The following KRT27 variants were observed in gnomAD, a reference collection of about 807,000 sequenced individuals.
KRT27 encodes keratin, type I cytoskeletal 27.
Under a neutral mutation model 45.3 loss-of-function variants are expected in KRT27, and 30 were observed. The ratio of observed to expected loss-of-function variants is 0.66; its 90% CI spans 0.50 to 0.90. KRT27 has a LOEUF of 0.90. KRT27 is among the 40% of genes least tolerant of loss of function. The pLI is 0.00. For missense variants in KRT27, 610 were observed against 564.3 expected (o/e 1.08, Z -0.82); for synonymous variants, 204 against 223.9 (o/e 0.91, Z 0.79).
intron 5 of KRT27, among the ~76,000 whole-genome samples, chr17:40,778,984 G>A (rs1459996389): frequency 6.6e-6 from 1 of 151,892 alleles, no homozygotes; most frequent in East Asian, 1.9e-4. Context: ...GTGTGTGTTG[G>A]GAACATTCAA....
At position 40,779,483 on chromosome 17, in the gene KRT27, T is replaced by G. The variant is rs368451287; in HGVS notation, c.972+19A>C. On this transcript the variant is annotated intron_variant, in intron 5 of 7. Transcript: ENST00000301656. ...TTCTCAATTTCTAAAGCAAATCTGTTTTGTAACTTTTCGCTTACCGTTGCT... is the reference window on the plus strand; with the variant it reads ...TTCTCAATTTCTAAAGCAAATCTGTGTTGTAACTTTTCGCTTACCGTTGCT... 1.9e-6 allele frequency: 3 copies of G among 1,589,094 alleles called. No homozygotes were observed. Among genetic ancestry groups the G allele is most frequent in the Non-Finnish European group, 2.6e-6 (3 of 1,168,426 alleles).
At position 40,782,201 on chromosome 17, in the gene KRT27, T is replaced by C. The variant is rs1183348292; in HGVS notation, c.293A>G (p.Tyr98Cys). 1.9e-6 allele frequency: 3 copies of C among 1,614,184 alleles called. No individual in the cohort carries two copies. Among genetic ancestry groups the C allele is most frequent in the Admixed American group, 3.3e-5 (2 of 60,030 alleles). Residue 98 changes from tyrosine (Y) to cysteine (C), a missense_variant, in exon 1 of 8, where the codon TAC (tyrosine) becomes TGC (cysteine). Coordinates refer to ENST00000301656, the MANE Select transcript of KRT27 (RefSeq NM_181537.4). ...MQNLNDRLAS[Y>C]LENVRALEEA... ...CTCTAGGGCTCGAACATTCTCCAGG[T>C]AGGAGGCCAAGCGGTCGTTGAGGTT...
In KRT27 at chr17:40,777,098, C is replaced by T; in HGVS notation, c.1281G>A (p.Glu427=). The change falls in exon 8 of 8, where the codon GAG becomes GAA. Residue 427 remains glutamate (E), a synonymous_variant. Transcript: ENST00000301656. ...KTTIVKTVVE[E]IDPRGKVLSS... ...AGAGAACTTTGCCACGAGGATCTAT[C>T]TCTTCAACAACTGTTTTGACAATGG... is the stretch of plus-strand genomic sequence containing the variant. The T allele has an allele frequency of 1.2e-6, 2 of 1,614,080 alleles. No individual in the cohort carries two copies. Among genetic ancestry groups the T allele is most frequent in the Admixed American group, 1.7e-5 (1 of 60,016 alleles).
At chr17:40,780,003 G>A in intron 3 of KRT27, 142 bp from the exon 4 acceptor site, 1 of 1,043,958 alleles carries the variant, frequency 9.6e-7, no homozygotes, top group Non-Finnish European at 1.3e-6. Flanking sequence ...CTGGCCTCAA[G>A]CGATCCTCCA....
In KRT27 at chr17:40,782,386, G is replaced by C. The variant is rs764862765; in HGVS notation, c.108C>G (p.Cys36Trp). Residue 36 changes from cysteine to tryptophan, a missense_variant, in exon 1 of 8, where the codon TGC becomes TGG. Coordinates refer to ENST00000301656, the MANE Select transcript of KRT27 (RefSeq NM_181537.4). ...AGCCACTTCCAATGCCTGGCACACC[G>C]CATGTGTTTCCAGCCCCAAAGCCTG... is the stretch of plus-strand genomic sequence containing the variant. ...GGAGFGAGNT[C>W]GVPGIGSGFS... is the part of the protein sequence containing the mutation. The C allele has an allele frequency of 1.7e-5, 28 of 1,613,900 alleles. No homozygotes were observed. The highest frequency in any genetic ancestry group is 2.3e-5 in the Non-Finnish European group (27 of 1,179,984).
In KRT27 at chr17:40,782,099, T is replaced by C; in HGVS notation, c.395A>G (p.Asp132Gly). 1.2e-6 allele frequency: 2 copies of C among 1,613,898 alleles called. No individual in the cohort carries two copies. The change falls in exon 1 of 8, where the codon GAT becomes GGT. Residue 132 changes from aspartate (D) to glycine (G), a missense_variant. Asp to Gly is a moderately conservative substitution (Grantham distance 94, BLOSUM62 -1). Transcript: ENST00000301656. ...KFGPGSCRGLDHDYSRYFPII... is the reference protein window; with the variant it reads ...KFGPGSCRGLGHDYSRYFPII... ...TGGGAAATATCTGCTGTAATCATGA[T>C]CAAGGCCACGGCAAGAACCAGGTCC...
Position 40,782,517 on chromosome 17 carries a change from G to A in KRT27, c.-24C>T. On this transcript the variant is annotated 5_prime_UTR_variant, in exon 1 of 8. Transcript: ENST00000301656. ...ATGGTGTCCGGAGGCTGGAGCCTTT[G>A]TTTCTGCGGTGATGCTCTGATGGTG... is the stretch of plus-strand genomic sequence containing the variant. 6.7e-7 allele frequency: 1 copy of A among 1,502,404 alleles called. No individual in the cohort carries two copies. The highest frequency in any genetic ancestry group is 8.9e-7 in the Non-Finnish European group (1 of 1,122,870). 93.1% of individuals were successfully genotyped at this position (1,502,404 alleles called of 1,614,324 possible).
In KRT27 at chr17:40,782,137, C is replaced by T. The variant is rs764689643; in HGVS notation, c.357G>A (p.Trp119Ter). The change falls in exon 1 of 8, where the codon TGG (tryptophan) becomes TGA (stop). Residue 119 changes from tryptophan (W) to a stop codon, truncating the protein, a stop_gained. Coordinates refer to ENST00000301656, the MANE Select transcript of KRT27 (RefSeq NM_181537.4). LOFTEE classifies it high-confidence loss of function. The stretch of plus-strand genomic sequence containing the variant: ...AAGAACCAGGTCCAAATTTCTCATA[C>T]CACCCCTTGATCTTCTGCTCCAAGT... ...NADLEQKIKG[W>*]YEKFGPGSCR... is the part of the protein sequence containing the mutation. The T allele has an allele frequency of 1.9e-6, 3 of 1,614,158 alleles. No individual in the cohort carries two copies. Among genetic ancestry groups the T allele is most frequent in the Non-Finnish European group, 2.5e-6 (3 of 1,180,036 alleles).
At chr17:40,779,384 T>A in intron 5 of KRT27, 118 bp downstream of exon 5, 3 of 1,280,458 alleles carry the variant, frequency 2.3e-6, no homozygotes, top group Non-Finnish European at 2.1e-6. Context: ...ATGTCTTATG[T>A]CAAGCACTGT....
Position 40,782,216 on chromosome 17 carries a change from T to C in KRT27, c.278A>G (p.Asp93Gly), listed in dbSNP as rs774859417. The C allele has an allele frequency of 6.2e-7, 1 of 1,614,156 alleles. No individual in the cohort carries two copies. Among genetic ancestry groups the C allele is most frequent in the Non-Finnish European group, 8.5e-7 (1 of 1,180,032 alleles). Reference protein sequence around the residue: ...NEKVTMQNLNDRLASYLENVR... With the variant: ...NEKVTMQNLNGRLASYLENVR... ...ATTCTCCAGGTAGGAGGCCAAGCGGTCGTTGAGGTTCTGCATGGTCACCTT... is the reference window on the plus strand; with the variant it reads ...ATTCTCCAGGTAGGAGGCCAAGCGGCCGTTGAGGTTCTGCATGGTCACCTT... Residue 93 changes from aspartate (D) to glycine (G), a missense_variant, in exon 1 of 8, where the codon GAC (aspartate) becomes GGC (glycine). Transcript: ENST00000301656.
At position 40,777,251 on chromosome 17, in the gene KRT27, AC is replaced by A. The variant is rs1279321097; in HGVS notation, c.1240+1del. The A allele has an allele frequency of 6.2e-7, 1 of 1,613,826 alleles. No individual in the cohort carries two copies. Among genetic ancestry groups the A allele is most frequent in the Non-Finnish European group, 8.5e-7 (1 of 1,179,894 alleles). On this transcript the variant is annotated splice_donor_variant, in intron 7 of 7. Coordinates refer to ENST00000301656, the MANE Select transcript of KRT27 (RefSeq NM_181537.4). LOFTEE classifies it high-confidence loss of function. Reference sequence around the variant, plus strand: ...TGAATGCCTAACACAGCTTTTGTTTACCTTTTGTTTGATTTCCTGGGCCTCC... The same window carrying A: ...TGAATGCCTAACACAGCTTTTGTTTACTTTTGTTTGATTTCCTGGGCCTCC...
Position 40,777,739 on chromosome 17 carries a change from T to C in KRT27, c.973-7A>G, listed in dbSNP as rs755323756. 6.2e-7 allele frequency: 1 copy of C among 1,613,740 alleles called. No homozygotes were observed. The highest frequency in any genetic ancestry group is 1.1e-5 in the South Asian group (1 of 91,040). On this transcript the variant is annotated splice_region_variant and splice_polypyrimidine_tract_variant and intron_variant, in intron 5 of 7. Coordinates refer to ENST00000301656, the MANE Select transcript of KRT27 (RefSeq NM_181537.4). ...AGCACTCCAGGGAGTGTTTCTGTAG[T>C]TTGGTAAGACATGGTTTAATAGAAA...
rs567124584 is a variant in KRT27, at chr17:40,779,448, G to T, written c.972+54C>A. On this transcript the variant is annotated intron_variant, in intron 5 of 7. Transcript: ENST00000301656. ...ATTATGTTGGAAGAAAATTCTCTTC[G>T]ATTATTTTTTTCTCAATTTCTAAAG... 25 of 1,561,854 alleles carry T rather than the reference G, an allele frequency of 1.6e-5. No homozygotes were observed. The East Asian group carries it at 5.2e-4, about 33-fold the overall frequency.
intron 6 of KRT27, 98 bp downstream of exon 6, chr17:40,777,417 C>T: frequency 6.6e-7 from 1 of 1,525,016 alleles, no homozygotes; most frequent in Non-Finnish European, 9.1e-7. Flanking sequence ...AGAGTATTAT[C>T]TATGCGTGAT....
At position 40,777,275 on chromosome 17, in the gene KRT27, T is replaced by C; in HGVS notation, c.1218A>G (p.Gly406=). 3 of 1,613,884 alleles carry C rather than the reference T, an allele frequency of 1.9e-6. No individual in the cohort carries two copies. The highest frequency in any genetic ancestry group is 2.5e-6 in the Non-Finnish European group (3 of 1,179,946). ...TACCTTTTGTTTGATTTCCTGGGCC[T>C]CCATAGCCTTTTGATTTAGAACAGG... ...DGSCSKSKGY[G]GPGNQTKDSS... The change falls in exon 7 of 8, where the codon GGA becomes GGG. Residue 406 remains glycine (G), a synonymous_variant. Coordinates refer to ENST00000301656, the MANE Select transcript of KRT27 (RefSeq NM_181537.4).
chr17:40,780,328 A>AGC lies in KRT27; in HGVS notation c.654_655dup (p.Leu219ArgfsTer13). On this transcript the variant is annotated frameshift_variant, in exon 3 of 8. Coordinates refer to ENST00000301656, the MANE Select transcript of KRT27 (RefSeq NM_181537.4). LOFTEE classifies it high-confidence loss of function. ...CTCATGATTCTTCTTGAGGTAAGCGAGCTCCTCACTGAGAGTTTCCAGCTG... is the reference window on the plus strand; with the variant it reads ...CTCATGATTCTTCTTGAGGTAAGCGAGCGCTCCTCACTGAGAGTTTCCAGCTG... 6.2e-7 allele frequency: 1 copy of AGC among 1,612,408 alleles called. No homozygotes were observed. Among genetic ancestry groups the AGC allele is most frequent in the Non-Finnish European group, 8.5e-7 (1 of 1,179,232 alleles).
At chr17:40,779,327 A>G (rs2038289354) in intron 5 of KRT27, among the ~76,000 whole-genome samples, 175 bp downstream of exon 5, 1 of 152,216 alleles carries the variant, frequency 6.6e-6, no homozygotes, top group Admixed American at 6.5e-5. Context: ...ATTGGCATCC[A>G]GCTATACTTT....
In KRT27 at chr17:40,779,646, C is replaced by T; in HGVS notation, c.847-19G>A. The T allele has an allele frequency of 3.7e-6, 6 of 1,613,870 alleles. No homozygotes were observed. The highest frequency in any genetic ancestry group is 5.1e-6 in the Non-Finnish European group (6 of 1,179,888). ...AGGCGCTCTGGAACGGCAGGGGCCG[C>T]GTTAGGGCGCTGGGGCTGAGTCCGC... is the stretch of plus-strand genomic sequence containing the variant. On this transcript the variant is annotated intron_variant, in intron 4 of 7. Coordinates refer to ENST00000301656, the MANE Select transcript of KRT27 (RefSeq NM_181537.4).
In KRT27 at chr17:40,782,363, C is replaced by G; in HGVS notation, c.131G>C (p.Gly44Ala). The G allele has an allele frequency of 6.2e-7, 1 of 1,614,180 alleles. No individual in the cohort carries two copies. Among genetic ancestry groups the G allele is most frequent in the Non-Finnish European group, 8.5e-7 (1 of 1,180,028 alleles). Residue 44 changes from glycine (G) to alanine (A), a missense_variant, in exon 1 of 8, where the codon GGC (glycine) becomes GCC (alanine). Transcript: ENST00000301656. ...GCTGCCCCCAAAAGCACAAGAGAAG[C>G]CACTTCCAATGCCTGGCACACCGCA... ...NTCGVPGIGS[G>A]FSCAFGGSSS...
Sources: gnomAD v4.1 joint callset for allele counts (sites outside exome capture counted in the v4.1 genomes callset) on GRCh38, gnomAD v4.1.1 for gene constraint, MANE v1.5 for transcripts, NCBI Gene and HGNC (gene_info 2026-07-23, HGNC 2026-07-21) for gene names.